USP32: variants seen among roughly 807,000 people sequenced by gnomAD.
USP32 encodes the protein ubiquitin specific peptidase 32, also known as ubiquitin carboxyl-terminal hydrolase 32.
A neutral mutation model predicts 204.8 loss-of-function variants in USP32; 59 were observed. The observed-to-expected ratio is 0.29, with a 90% CI of 0.23 to 0.36. The LOEUF (loss-of-function observed/expected upper bound fraction) is 0.36, where lower values mean the gene tolerates loss of function less well. Among genes scored for constraint, USP32 ranks in the 10% least tolerant of loss-of-function variants. USP32 has a pLI of 1.00. For synonymous variants in USP32, 517 were observed against 678.4 expected, an observed-to-expected ratio of 0.76 and a Z score of 3.70; for missense variants, 1,160 against 1,946.4, an observed-to-expected ratio of 0.60 and a Z score of 7.60.
intron 1 of USP32, among the ~76,000 whole-genome samples, chr17:60,409,934 G>T (rs1242533128): frequency 1.3e-5 from 2 of 152,154 alleles, no homozygotes; most frequent in Admixed American, 1.3e-4. Flanking sequence ...CAGCCCATGG[G>T]TCAAGGGTTG....
At chr17:60,395,069 A>G (rs2089891568), upstream of USP32, among the ~76,000 whole-genome samples, 1 of 152,146 alleles carries the variant, frequency 6.6e-6, no homozygotes, top group Non-Finnish European at 1.5e-5. Context: ...TAACAATGGT[A>G]TTTGTGTATC....
At chr17:60,215,633 C>T (rs575961892) in intron 16 of USP32, among the ~76,000 whole-genome samples, 1 of 152,200 alleles carries the variant, frequency 6.6e-6, no homozygotes, top group South Asian at 2.1e-4. Flanking sequence ...GCTCAATTAT[C>T]TGGCACAGTG....
At position 60,223,571 on chromosome 17, in the gene USP32, G is replaced by T; in HGVS notation, c.1448C>A (p.Ala483Asp). Reference protein sequence around the residue: ...ETAGSGFLYSATPGADVCFAR... With the variant: ...ETAGSGFLYSDTPGADVCFAR... ...AAAGCAAACATCTGCCCCTGGTGTG[G>T]CAGAATACAGAAAGCCTATAAAAAA... Residue 483 changes from alanine (A) to aspartate (D), a missense_variant, in exon 14 of 34, where the codon GCC becomes GAC. By Grantham distance (126) the Ala-to-Asp change is moderately radical. Around this residue, in one of 8 missense-constraint regions of USP32, gnomAD observed 536 missense variants for 680.9 expected, o/e 0.79. Coordinates refer to ENST00000300896, the MANE Select transcript of USP32 (RefSeq NM_032582.4). 2 of 1,593,508 alleles carry T rather than the reference G, an allele frequency of 1.3e-6. No homozygotes were observed. Among genetic ancestry groups the T allele is most frequent in the Non-Finnish European group, 1.7e-6 (2 of 1,174,946 alleles).
chr17:60,248,688 G>C (rs1396880953), intron 11 of USP32, among the ~76,000 whole-genome samples: 1 of 151,944 alleles, frequency 6.6e-6, no homozygotes, highest in African/African-American at 2.4e-5. Flanking sequence ...TTTCTATTTG[G>C]ACAAGTCAGT....
chr17:60,192,751 C>A, intron 28 of USP32, 93 bp downstream of exon 28: 1 of 1,456,700 alleles, frequency 6.9e-7, no homozygotes, highest in Non-Finnish European at 9.5e-7. Context: ...TCATTATTCA[C>A]TATTTACTTC....
chr17:60,268,258 GA>G (rs1340623373), intron 7 of USP32, among the ~76,000 whole-genome samples: 1 of 151,928 alleles, frequency 6.6e-6, no homozygotes, highest in Non-Finnish European at 1.5e-5. Context: ...AATTTTTTAA[GA>G]CAACAATTAA....
intron 11 of USP32, among the ~76,000 whole-genome samples, chr17:60,240,496 G>C (rs1567794989): frequency 8.4e-6 from 1 of 118,348 alleles, no homozygotes; most frequent in Non-Finnish European, 1.6e-5. Flanking sequence ...AAAAAAGGGA[G>C]AGAGAGAGAG....
chr17:60,207,967 G>A (rs935343025), intron 24 of USP32, 92 bp downstream of exon 24: 19 of 1,448,346 alleles, frequency 1.3e-5, no homozygotes, highest in Non-Finnish European at 1.6e-5. Flanking sequence ...TATCTCTCTT[G>A]GTCACATAAC....
chr17:60,348,839 A>AG (rs768028160), intron 1 of USP32, among the ~76,000 whole-genome samples: 85 of 152,158 alleles, frequency 5.6e-4, no homozygotes, highest in South Asian at 1.0e-3. Flanking sequence ...TGTGGTAGGA[A>AG]GGGGGGGTTC....
intron 1 of USP32, among the ~76,000 whole-genome samples, chr17:60,413,214 C>A (rs533582308): frequency 6.6e-6 from 1 of 152,252 alleles, no homozygotes; most frequent in Non-Finnish European, 1.5e-5. Context: ...CTGTATCCTG[C>A]CAGTGGGGGA....
intron 3 of USP32, among the ~76,000 whole-genome samples, chr17:60,299,658 A>G (rs898601585): frequency 6.6e-6 from 1 of 152,214 alleles, no homozygotes; most frequent in Non-Finnish European, 1.5e-5. Flanking sequence ...CCATAGCAAG[A>G]ATTAAAAATA....
intron 2 of USP32, among the ~76,000 whole-genome samples, chr17:60,316,559 G>A (rs1303009930): frequency 6.6e-6 from 1 of 152,080 alleles, no homozygotes; most frequent in Non-Finnish European, 1.5e-5. Flanking sequence ...AAAAGGAATG[G>A]GCCAGGCACG....
intron 7 of USP32, among the ~76,000 whole-genome samples, chr17:60,268,298 G>C (rs766329419): frequency 2.0e-4 from 30 of 152,040 alleles, no homozygotes; most frequent in Admixed American, 1.0e-3. Context: ...GCTGGGCATG[G>C]AGGCTCATGT....
intron 16 of USP32, among the ~76,000 whole-genome samples, chr17:60,219,148 TAGATCA>T (rs1399183516): frequency 6.6e-6 from 1 of 152,072 alleles, no homozygotes; most frequent in Non-Finnish European, 1.5e-5. Context: ...AAAGCCTCTT[TAGATCA>T]AGCATGAGAA....
chr17:60,399,048 A>G (rs1172687103), intron 1 of USP32, among the ~76,000 whole-genome samples: 1 of 152,150 alleles, frequency 6.6e-6, no homozygotes, highest in Non-Finnish European at 1.5e-5. Flanking sequence ...GGGAACCTAG[A>G]GTAGGGAGAG....
intron 9 of USP32, among the ~76,000 whole-genome samples, chr17:60,261,950 T>C (rs1269649477): frequency 3.9e-5 from 6 of 152,178 alleles, no homozygotes; most frequent in African/African-American, 7.2e-5. Flanking sequence ...TCATCATGCA[T>C]ACAATGATGA....
In USP32 at chr17:60,185,782, C is replaced by T. The variant is rs1314013025; in HGVS notation, c.3643-131G>A. On this transcript the variant is annotated intron_variant, in intron 29 of 33. Transcript: ENST00000300896. The stretch of plus-strand genomic sequence containing the variant: ...ATAAGGAAAAAGAAAATACAACTGG[C>T]TGGGTATGGTGGCTCATGCCTGTAA... The T allele has an allele frequency of 1.8e-5, 20 of 1,134,538 alleles. No individual in the cohort carries two copies. In the Admixed American group the frequency reaches 5.6e-4, roughly 32 times the overall value. The allele number at this position is 1,134,538 out of a possible 1,614,324, so 70.3% of individuals were successfully genotyped here. A position where few individuals can be genotyped will look rare whatever the true frequency, so the allele number is the denominator to read the frequency against.
chr17:60,252,239 A>T, intron 11 of USP32, 142 bp downstream of exon 11: 1 of 676,144 alleles, frequency 1.5e-6, no homozygotes, highest in Non-Finnish European at 2.4e-6. Context: ...CTAGGAAGGT[A>T]CTTTAACAAA....
intron 15 of USP32, among the ~76,000 whole-genome samples, chr17:60,222,119 G>A (rs1420308158): frequency 6.6e-6 from 1 of 152,098 alleles, no homozygotes; most frequent in Non-Finnish European, 1.5e-5. Flanking sequence ...GAACTTTTTG[G>A]CACTGGCTCT....
Sources: gnomAD v4.1 joint callset for allele counts (sites outside exome capture counted in the v4.1 genomes callset) on GRCh38, gnomAD v4.1.1 for gene constraint, gnomAD v4.1.1 regional missense constraint, MANE v1.5 for transcripts, NCBI Gene and HGNC (gene_info 2026-07-23, HGNC 2026-07-21) for gene names.